Variants in CDKL5 observed in about 807,000 individuals in gnomAD.
CDKL5 encodes the protein cyclin-dependent kinase-like 5.
In CDKL5, 8 loss-of-function variants were observed where a neutral mutation model predicts 61.7. That is an observed-to-expected ratio of 0.13 (90% CI 0.08 to 0.23). CDKL5 has a LOEUF of 0.23. Among genes scored for constraint, CDKL5 ranks in the 10% least tolerant of loss-of-function variants. The pLI is 1.00. For synonymous variants in CDKL5, 275 were observed against 272.3 expected, an observed-to-expected ratio of 1.01 and a Z score of -0.10; for missense variants, 440 against 734.5, an observed-to-expected ratio of 0.60 and a Z score of 4.63.
At chrX:18,491,538 G>T (rs1055821973) in intron 1 of CDKL5, among the ~76,000 whole-genome samples, 1 of 111,334 alleles carries the variant, frequency 9.0e-6, no homozygotes, top group African/African-American at 3.3e-5. Context: ...ACAAAGTTTA[G>T]CCTGGAAGCT....
intron 16 of CDKL5, chrX:18,624,020 G>A (rs1926966263): frequency 1.3e-6 from 1 of 744,780 alleles, no homozygotes; most frequent in African/African-American, 2.3e-5. Context: ...TTTTATGTAT[G>A]GTAGCCCTGA....
chrX:18,448,066 A>G (rs1249809657), intron 1 of CDKL5, among the ~76,000 whole-genome samples: 1 of 110,837 alleles, frequency 9.0e-6, no homozygotes, highest in Non-Finnish European at 1.9e-5. Context: ...TTCTTCCATG[A>G]CTTTTCCCCT....
At chrX:18,623,398 T>G (rs368782605) in intron 16 of CDKL5, among the ~76,000 whole-genome samples, 15 of 111,802 alleles carry the variant, frequency 1.3e-4, no homozygotes, top group Non-Finnish European at 2.6e-4. Flanking sequence ...GGCTTAAAAG[T>G]TGACCAAATT....
At chrX:18,475,681 T>C (rs1921281573) in intron 1 of CDKL5, among the ~76,000 whole-genome samples, 1 of 112,569 alleles carries the variant, frequency 8.9e-6, no homozygotes, top group African/African-American at 3.2e-5. Flanking sequence ...TCAAATATTA[T>C]ATACATCATT....
intron 3 of CDKL5, among the ~76,000 whole-genome samples, chrX:18,556,305 C>T (rs1924599114): frequency 9.0e-6 from 1 of 111,335 alleles, no homozygotes; most frequent in Non-Finnish European, 1.9e-5. Flanking sequence ...TAACATTTCT[C>T]TTCAGTGATG....
intron 3 of CDKL5, among the ~76,000 whole-genome samples, chrX:18,539,187 C>T (rs1347808003): frequency 2.7e-5 from 3 of 111,370 alleles, no homozygotes; most frequent in Non-Finnish European, 5.7e-5. Context: ...AGCCTTTTGC[C>T]TCATTGATTT....
In CDKL5 at chrX:18,509,197, GCACACACACACA is replaced by G. The variant is rs60516677; in HGVS notation, c.65-1585_65-1574del. Among the ~76,000 whole-genome samples the G allele has an allele frequency of 2.2e-3, 139 of 64,306 alleles. 1 individual carries two copies. In the East Asian group the frequency reaches 0.035, roughly 16 times the overall value. The allele number at this position is 64,306 out of a possible 115,157, so 55.8% of individuals were successfully genotyped here. A position where few individuals can be genotyped will look rare whatever the true frequency, so the allele number is the denominator to read the frequency against. On this transcript the variant is annotated intron_variant, in intron 2 of 17. Coordinates refer to ENST00000623535, the MANE Select transcript of CDKL5 (RefSeq NM_001323289.2). Reference sequence around the variant, plus strand: ...AGAGAGCGAGACTGTCTCAAAACACGCACACACACACACACACACACACACACACACACACAC... The same window carrying G: ...AGAGAGCGAGACTGTCTCAAAACACGCACACACACACACACACACACACAC...
chrX:18,472,949 C>A (rs780287665), intron 1 of CDKL5, among the ~76,000 whole-genome samples: 2 of 106,612 alleles, frequency 1.9e-5, no homozygotes, highest in East Asian at 5.9e-4. Flanking sequence ...TGGAGAATCT[C>A]TTCTAATTTT....
intron 5 of CDKL5, 104 bp downstream of exon 5, chrX:18,575,594 G>A: frequency 1.4e-6 from 1 of 740,232 alleles, no homozygotes; most frequent in Non-Finnish European, 2.1e-6. Context: ...GCTTATCAAT[G>A]TACTCATAAT....
chrX:18,644,495 C>T (rs756084649), downstream of CDKL5: 22 of 1,209,202 alleles, frequency 1.8e-5, no homozygotes, highest in Middle Eastern at 2.3e-4. Context: ...CTGTACTGCA[C>T]GCTGTACTTG....
chrX:18,644,757 G>T, downstream of CDKL5: 1 of 593,755 alleles, frequency 1.7e-6, no homozygotes, highest in Non-Finnish European at 2.8e-6. Context: ...CTGGGCTGCA[G>T]TCTGAGCCTT....
intron 3 of CDKL5, among the ~76,000 whole-genome samples, chrX:18,514,707 CAAAA>C (rs1224243985): frequency 1.9e-5 from 1 of 53,076 alleles, no homozygotes; most frequent in African/African-American, 7.0e-5. Context: ...AACTCCATCT[CAAAA>C]AAAAAAAAAA....
rs1927253060 is a variant in CDKL5, at chrX:18,632,078, A to G, written c.*3321A>G. On this transcript the variant is annotated 3_prime_UTR_variant, in exon 18 of 18. Coordinates refer to ENST00000623535, the MANE Select transcript of CDKL5 (RefSeq NM_001323289.2). The stretch of plus-strand genomic sequence containing the variant: ...AAACAGTGGTCCAGCCCCAAGCACT[A>G]CTAGTGCTGAGGTTGAGAAACCCTG... 1.4e-6 allele frequency: 1 copy of G among 727,777 alleles called. No individual in the cohort carries two copies. The highest frequency in any genetic ancestry group is 2.3e-5 in the African/African-American group (1 of 43,272). The allele number at this position is 727,777 out of a possible 1,213,427, so 60.0% of individuals were successfully genotyped here. A position where few individuals can be genotyped will look rare whatever the true frequency, so the allele number is the denominator to read the frequency against.
chrX:18,590,509 C>T (rs993866744), intron 9 of CDKL5, among the ~76,000 whole-genome samples: 8 of 112,128 alleles, frequency 7.1e-5, no homozygotes, highest in Non-Finnish European at 1.1e-4. Flanking sequence ...AGTGCCCAAC[C>T]GTCCAGATCC....
At chrX:18,569,477 T>C (rs984164096) in intron 4 of CDKL5, among the ~76,000 whole-genome samples, 1 of 112,251 alleles carries the variant, frequency 8.9e-6, no homozygotes, top group Non-Finnish European at 1.9e-5. Context: ...GTATAAATTA[T>C]AAATTTAGTC....
intron 1 of CDKL5, among the ~76,000 whole-genome samples, chrX:18,431,411 T>TTGA (rs1405555582): frequency 9.1e-6 from 1 of 109,864 alleles, no homozygotes; most frequent in African/African-American, 3.3e-5. Flanking sequence ...GTTAATTTTG[T>TTGA]TGATTTCTTT....
chrX:18,440,688 G>A (rs777942722), intron 1 of CDKL5, among the ~76,000 whole-genome samples: 1 of 111,694 alleles, frequency 9.0e-6, no homozygotes. Flanking sequence ...GGTCAGGCTG[G>A]TCTCGAACTC....
chrX:18,509,760 G>A (rs1304019723), intron 2 of CDKL5, among the ~76,000 whole-genome samples: 4 of 111,049 alleles, frequency 3.6e-5, no homozygotes, highest in East Asian at 2.8e-4. Flanking sequence ...AGTGCTTGTC[G>A]CCTTTGTGCA....
At chrX:18,651,507 C>T (rs760263093) in intron 21 of CDKL5, among the ~76,000 whole-genome samples, 1 of 110,904 alleles carries the variant, frequency 9.0e-6, no homozygotes, top group East Asian at 2.9e-4. Context: ...CTGGGATGGG[C>T]TTGGGAGCCC....
Sources: allele counts gnomAD v4.1 joint callset (sites outside exome capture counted in the v4.1 genomes callset), GRCh38; gene constraint gnomAD v4.1.1; transcripts MANE v1.5; gene names NCBI Gene and HGNC (gene_info 2026-07-23, HGNC 2026-07-21).